The following CAPZB variants were observed in gnomAD, a reference collection of about 807,000 sequenced individuals.
CAPZB encodes capping actin protein of muscle Z-line subunit beta.
In CAPZB, 2 loss-of-function variants were observed where a neutral mutation model predicts 38.1. That is an observed-to-expected ratio of 0.05 (90% CI 0.02 to 0.17). The LOEUF (loss-of-function observed/expected upper bound fraction) is 0.17. Ranked by LOEUF, CAPZB falls within the 10% of genes least tolerant of loss-of-function variation. The pLI, the probability that CAPZB is intolerant of heterozygous loss-of-function variation, is 1.00. For missense variants in CAPZB, 161 were observed against 334.2 expected, an observed-to-expected ratio of 0.48 and a Z score of 4.04; for synonymous variants, 107 against 127.4, an observed-to-expected ratio of 0.84 and a Z score of 1.08.
chr1:19,481,986 A>G (rs2094630886), intron 1 of CAPZB, among the ~76,000 whole-genome samples: 1 of 152,142 alleles, frequency 6.6e-6, no homozygotes, highest in Non-Finnish European at 1.5e-5. Context: ...CTGAATTAAC[A>G]TTATCCTGTA....
intron 4 of CAPZB, among the ~76,000 whole-genome samples, chr1:19,377,616 C>G (rs781364961): frequency 3.3e-5 from 5 of 152,238 alleles, no homozygotes; most frequent in Non-Finnish European, 7.3e-5. Flanking sequence ...ATGTGGCCTG[C>G]AAAGCCTAAA....
At chr1:19,380,257 A>C (rs6663076) in intron 3 of CAPZB, among the ~76,000 whole-genome samples, 19,779 of 152,110 alleles carry the variant, frequency 0.13, 2,490 homozygotes, top group African/African-American at 0.33. Context: ...TCCAGGCAGG[A>C]ATTACACTCC....
At chr1:19,408,039 ACTAT>A (rs2094340708) in intron 2 of CAPZB, among the ~76,000 whole-genome samples, 1 of 152,174 alleles carries the variant, frequency 6.6e-6, no homozygotes, top group Non-Finnish European at 1.5e-5. Flanking sequence ...AGTTCTCATG[ACTAT>A]CTACAAGGCC....
At chr1:19,480,871 G>C (rs914765508) in intron 1 of CAPZB, among the ~76,000 whole-genome samples, 3 of 152,180 alleles carry the variant, frequency 2.0e-5, no homozygotes, top group East Asian at 3.8e-4. Context: ...GGAGAAAAAC[G>C]GTTTGCTCTG....
intron 4 of CAPZB, among the ~76,000 whole-genome samples, chr1:19,370,630 G>C (rs2094114911): frequency 6.6e-6 from 1 of 152,174 alleles, no homozygotes; most frequent in African/African-American, 2.4e-5. Context: ...AGGCCACACT[G>C]TTTGCACACA....
At chr1:19,471,143 C>T (rs778960136) in intron 1 of CAPZB, among the ~76,000 whole-genome samples, 3 of 152,214 alleles carry the variant, frequency 2.0e-5, no homozygotes, top group Non-Finnish European at 4.4e-5. Flanking sequence ...TCGAACAATT[C>T]TAACAACATA....
rs74486304 is a variant in CAPZB at position 19,365,167 on chromosome 1, C to T, written c.330-7604G>A. 9.8e-3 allele frequency among the ~76,000 whole-genome samples: 1,498 copies of T among 152,244 alleles called. 64 individuals are homozygous for T. In the East Asian group the frequency reaches 0.14, roughly 14 times the overall value. On this transcript the variant is annotated intron_variant, in intron 4 of 8. Coordinates refer to ENST00000264202, the MANE Select transcript of CAPZB (RefSeq NM_004930.5). Reference sequence around the variant, plus strand: ...CTGAATATTTTTTCTTATGTGTTGCCATGAAAATACCTCTCACATCCTGGA... The same window carrying T: ...CTGAATATTTTTTCTTATGTGTTGCTATGAAAATACCTCTCACATCCTGGA...
At position 19,396,887 on chromosome 1, in the gene CAPZB, A is replaced by G. The variant is rs1296728522; in HGVS notation, c.94-11261T>C. On this transcript the variant is annotated intron_variant, in intron 2 of 8. Coordinates refer to ENST00000264202, the MANE Select transcript of CAPZB (RefSeq NM_004930.5). ...AGAATCGCTTGAACCTGGGAGGCGG[A>G]GGGTGCAGTGAGCCGAGATGGCGCC... is the stretch of plus-strand genomic sequence containing the variant. Among the ~76,000 whole-genome samples, 6 of 151,940 alleles carry G rather than the reference A, an allele frequency of 3.9e-5. No individual in the cohort carries two copies. In the South Asian group the frequency reaches 6.3e-4, roughly 16 times the overall value.
chr1:19,376,386 C>G (rs6662811), intron 4 of CAPZB, among the ~76,000 whole-genome samples: 2,354 of 152,272 alleles, frequency 0.015, 68 homozygotes, highest in African/African-American at 0.054. Context: ...AGATGGCTCC[C>G]AAGAAGCTTA....
chr1:19,360,556 G>C (rs1171668307), intron 4 of CAPZB, among the ~76,000 whole-genome samples: 3 of 152,230 alleles, frequency 2.0e-5, no homozygotes, highest in South Asian at 4.1e-4. Flanking sequence ...AGGGGAACCA[G>C]GAGAAATCCC....
At chr1:19,431,846 G>A (rs1053396132) in intron 1 of CAPZB, among the ~76,000 whole-genome samples, 3 of 152,058 alleles carry the variant, frequency 2.0e-5, no homozygotes, top group Non-Finnish European at 4.4e-5. Context: ...GGAGGCAGAG[G>A]TAGGCAGATC....
At position 19,431,734 on chromosome 1, in the gene CAPZB, TAAA is replaced by T. The variant is rs1030756311; in HGVS notation, c.4-11987_4-11985del. ...AGACTCCGTCTCAAAAAATAAAAAA[TAAA>T]AAATAAAAAATAAAAAAAAAGAATA... On this transcript the variant is annotated intron_variant, in intron 1 of 8. Transcript: ENST00000264202. 2.5e-4 allele frequency among the ~76,000 whole-genome samples: 20 copies of T among 80,426 alleles called. No individual in the cohort carries two copies. In the East Asian group the frequency reaches 7.1e-3, roughly 29 times the overall value. The allele number at this position is 80,426 out of a possible 152,430, so 52.8% of individuals were successfully genotyped here.
Position 19,385,486 on chromosome 1 carries a change from C to T in CAPZB, c.215+19G>A. On this transcript the variant is annotated intron_variant, in intron 3 of 8. Transcript: ENST00000264202. The stretch of plus-strand genomic sequence containing the variant: ...CGTGTGCCTGCTGTGCCTGCTGCAT[C>T]CCCGGGGCATGAGCTCACCTATAGG... The T allele has an allele frequency of 6.2e-7, 1 of 1,611,764 alleles. No individual in the cohort carries two copies. Among genetic ancestry groups the T allele is most frequent in the South Asian group, 1.1e-5 (1 of 90,988 alleles).
rs71008151 is a variant in CAPZB, at chr1:19,366,283, A to AATAAATATAT, written c.330-8721_330-8720insATATATTTAT. On this transcript the variant is annotated intron_variant, in intron 4 of 8. Coordinates refer to ENST00000264202, the MANE Select transcript of CAPZB (RefSeq NM_004930.5). Reference sequence around the variant, plus strand: ...GCAACATAGTGAGACCGTGTCTTAAAATATATATATATATATATATATATA... The same window carrying AATAAATATAT: ...GCAACATAGTGAGACCGTGTCTTAAAATAAATATATATATATATATATATATATATATATA... Among the ~76,000 whole-genome samples, 128 of 60,496 alleles carry AATAAATATAT rather than the reference A, an allele frequency of 2.1e-3. 2 individuals are homozygous for AATAAATATAT. The highest frequency in any genetic ancestry group is 2.8e-3 in the Non-Finnish European group (82 of 28,988). The allele number at this position is 60,496 out of a possible 152,430, so 39.7% of individuals were successfully genotyped here.
At position 19,396,935 on chromosome 1, in the gene CAPZB, A is replaced by G. The variant is rs1400140850; in HGVS notation, c.94-11309T>C. 4.6e-5 allele frequency among the ~76,000 whole-genome samples: 7 copies of G among 152,106 alleles called. No individual in the cohort carries two copies. In the East Asian group the frequency reaches 5.8e-4, roughly 13 times the overall value. ...GCCACTACACTCCAGCCTGGGTGAC[A>G]GAGAGGACTCTGTCTCAAAAAATTA... is the stretch of plus-strand genomic sequence containing the variant. On this transcript the variant is annotated intron_variant, in intron 2 of 8. Transcript: ENST00000264202.
At chr1:19,382,240 A>C (rs1329269870) in intron 3 of CAPZB, among the ~76,000 whole-genome samples, 2 of 152,206 alleles carry the variant, frequency 1.3e-5, no homozygotes, top group Non-Finnish European at 1.5e-5. Context: ...GTTAGTCCTG[A>C]AGCCAGGGTA....
chr1:19,399,101 G>A lies in CAPZB; in HGVS notation c.94-13475C>T, dbSNP rs566612773. On this transcript the variant is annotated intron_variant, in intron 2 of 8. Transcript: ENST00000264202. ...TTGAACTCCTGGACTCAAGTGATCC[G>A]CCTGTCTTGCCCTCCCGAAGTGCTG... Among the ~76,000 whole-genome samples, 10 of 152,054 alleles carry A rather than the reference G, an allele frequency of 6.6e-5. No homozygotes were observed. The East Asian group carries it at 1.4e-3, about 21-fold the overall frequency.
chr1:19,418,322 A>G (rs2094388828), intron 2 of CAPZB, among the ~76,000 whole-genome samples: 1 of 152,124 alleles, frequency 6.6e-6, no homozygotes, highest in Non-Finnish European at 1.5e-5. Flanking sequence ...CTGTGCCTCC[A>G]GATCCCACCA....
intron 2 of CAPZB, among the ~76,000 whole-genome samples, chr1:19,415,515 A>G (rs1236408136): frequency 6.6e-6 from 1 of 152,246 alleles, no homozygotes; most frequent in East Asian, 1.9e-4. Flanking sequence ...GTTAAACAGG[A>G]AAAAAGAAAA....
Sources: gnomAD v4.1 joint callset for allele counts (sites outside exome capture counted in the v4.1 genomes callset) on GRCh38, gnomAD v4.1.1 for gene constraint, MANE v1.5 for transcripts, NCBI Gene and HGNC (gene_info 2026-07-23, HGNC 2026-07-21) for gene names.